The following TIMP4 variants were observed in gnomAD, a reference collection of about 807,000 sequenced individuals.
TIMP4 encodes metalloproteinase inhibitor 4.
A neutral mutation model predicts 27.3 loss-of-function variants in TIMP4; 28 were observed. The observed-to-expected ratio is 1.03, with a 90% CI of 0.76 to 1.41. The LOEUF (loss-of-function observed/expected upper bound fraction) is 1.41. Among genes scored for constraint, TIMP4 ranks in the 40% most tolerant of loss-of-function variants. The pLI is 0.00. For missense variants in TIMP4, 307 were observed against 285.5 expected (o/e 1.08, Z -0.54); for synonymous variants, 138 against 115.5 (o/e 1.20, Z -1.25).
At chr3:12,158,611 C>T (rs1229773080) in intron 1 of TIMP4, 91 bp downstream of exon 1, 1 of 1,544,172 alleles carries the variant, frequency 6.5e-7, no homozygotes, top group Non-Finnish European at 8.7e-7. Flanking sequence ...TGAGCTCCTC[C>T]CTTTTCCTCT....
chr3:12,158,636 C>T (rs559902630), intron 1 of TIMP4, 66 bp downstream of exon 1: 13 of 1,594,580 alleles, frequency 8.2e-6, no homozygotes, highest in Admixed American at 1.7e-5. Context: ...TCCTGGTGTA[C>T]TGCTGGCCAG....
Position 12,156,943 on chromosome 3 carries a change from C to A in TIMP4, c.238-9G>T, listed in dbSNP as rs1165104930. ...TCAAACCCTTTGAACATCTGACAGG[C>A]AATTACAAAAAAAGGCAATATTGGG... is the stretch of plus-strand genomic sequence containing the variant. On this transcript the variant is annotated splice_polypyrimidine_tract_variant and intron_variant, in intron 2 of 4. Transcript: ENST00000287814. The A allele has an allele frequency of 1.2e-6, 2 of 1,602,768 alleles. No individual in the cohort carries two copies.
chr3:12,157,934 G>T (rs528543463), intron 1 of TIMP4, among the ~76,000 whole-genome samples: 1 of 152,228 alleles, frequency 6.6e-6, no homozygotes, highest in Non-Finnish European at 1.5e-5. Flanking sequence ...CTGCACTGAG[G>T]TATTGCATCT....
At chr3:12,154,190 TG>T in intron 4 of TIMP4, 136 bp downstream of exon 4, 1 of 1,315,606 alleles carries the variant, frequency 7.6e-7, no homozygotes. Flanking sequence ...GCCTATAGAC[TG>T]TATTGCTTTC....
intron 3 of TIMP4, among the ~76,000 whole-genome samples, chr3:12,156,061 A>G (rs1697447617): frequency 6.6e-6 from 1 of 152,168 alleles, no homozygotes; most frequent in African/African-American, 2.4e-5. Flanking sequence ...TTGTTACTGA[A>G]TCTCCACTCT....
intron 3 of TIMP4, 104 bp downstream of exon 3, chr3:12,156,716 C>T (rs1697467447): frequency 4.7e-6 from 4 of 850,820 alleles, no homozygotes; most frequent in Non-Finnish European, 5.6e-6. Context: ...GAAAATGCCA[C>T]CTGGCTCAGC....
At chr3:12,154,577 G>T in intron 3 of TIMP4, 126 bp from the exon 4 acceptor site, 1 of 962,024 alleles carries the variant, frequency 1.0e-6, no homozygotes, top group East Asian at 2.5e-5. Context: ...GTGGCATGGG[G>T]CTCAGTGAAG....
rs1559442583 is a variant in TIMP4, at chr3:12,153,420, AAG to A, written c.*93_*94del. Reference sequence around the variant, plus strand: ...TTGGCACTTCTTATTAGCTGGCAGCAAGAGGTCAGGTGGTAATGGCCAAAGCT... The same window carrying A: ...TTGGCACTTCTTATTAGCTGGCAGCAAGGTCAGGTGGTAATGGCCAAAGCT... On this transcript the variant is annotated 3_prime_UTR_variant, in exon 5 of 5. Transcript: ENST00000287814. 2.8e-6 allele frequency: 4 copies of A among 1,407,128 alleles called. No homozygotes were observed. Among genetic ancestry groups the A allele is most frequent in the Non-Finnish European group, 4.0e-6 (4 of 996,572 alleles). 87.2% of individuals were successfully genotyped at this position (1,407,128 alleles called of 1,614,324 possible).
chr3:12,153,765 A>G lies in TIMP4; in HGVS notation c.478-53T>C, dbSNP rs1318285505. ...GTGAGTAGGGTGTCCTTCTTTTTCC[A>G]TTGCTGCCTTTCAGATTCCTACGTA... On this transcript the variant is annotated intron_variant, in intron 4 of 4. Coordinates refer to ENST00000287814, the MANE Select transcript of TIMP4 (RefSeq NM_003256.4). The G allele has an allele frequency of 5.0e-6, 8 of 1,592,822 alleles. No individual in the cohort carries two copies. In the Admixed American group the frequency reaches 1.0e-4, roughly 20 times the overall value.
intron 3 of TIMP4, 140 bp from the exon 4 acceptor site, chr3:12,154,591 C>T (rs2125228157): frequency 1.2e-6 from 1 of 820,984 alleles, no homozygotes; most frequent in South Asian, 1.8e-5. Context: ...AGTGAAGGGA[C>T]CAATAAATAA....
intron 3 of TIMP4, among the ~76,000 whole-genome samples, chr3:12,155,892 C>T (rs1449277127): frequency 2.0e-5 from 3 of 152,188 alleles, no homozygotes; most frequent in African/African-American, 7.2e-5. Context: ...CTGCAGGGCT[C>T]AGTGGTGTGT....
In TIMP4 at chr3:12,154,824, AG is replaced by A. The variant is rs375279593; in HGVS notation, c.353-374del. 3.5e-4 allele frequency among the ~76,000 whole-genome samples: 53 copies of A among 152,264 alleles called. No homozygotes were observed. In the East Asian group the frequency reaches 8.9e-3, roughly 26 times the overall value. On this transcript the variant is annotated intron_variant, in intron 3 of 4. Transcript: ENST00000287814. ...CTCAGCTGGAAGATGAAAATTATAA[AG>A]TTGTCAGATTAAATGAGAGATTGTC...
intron 1 of TIMP4, among the ~76,000 whole-genome samples, chr3:12,158,083 A>C (rs1417770039): frequency 6.6e-6 from 1 of 152,090 alleles, no homozygotes; most frequent in Non-Finnish European, 1.5e-5. Flanking sequence ...AGTGGAGTGC[A>C]CACGTGTAAA....
chr3:12,154,005 T>C (rs1379970450), intron 4 of TIMP4, among the ~76,000 whole-genome samples: 1 of 152,250 alleles, frequency 6.6e-6, no homozygotes, highest in Admixed American at 6.5e-5. Context: ...AATGGAAATC[T>C]TAATTCTTCA....
rs202136749 is a variant in TIMP4, at chr3:12,154,377, C to T, written c.427G>A (p.Val143Met). ...TGATGATTCAGACTTTCCCTCTGCA[C>T]CAAGGACAGGTCCTCCCAGGGCTCG... ...YIEPWEDLSL[V>M]QRESLNHHYH... is the part of the protein sequence containing the mutation. The change falls in exon 4 of 5, where the codon GTG becomes ATG. Residue 143 changes from valine to methionine, a missense_variant. By Grantham distance (21) the Val-to-Met change is conservative. Transcript: ENST00000287814. 5 of 1,614,214 alleles carry T rather than the reference C, an allele frequency of 3.1e-6. No individual in the cohort carries two copies. Among genetic ancestry groups the T allele is most frequent in the Admixed American group, 1.7e-5 (1 of 60,026 alleles).
In TIMP4 at chr3:12,154,468, A is replaced by G. The variant is rs1697397984; in HGVS notation, c.353-17T>C. On this transcript the variant is annotated splice_polypyrimidine_tract_variant and intron_variant, in intron 3 of 4. Coordinates refer to ENST00000287814, the MANE Select transcript of TIMP4 (RefSeq NM_003256.4). Reference sequence around the variant, plus strand: ...GGACCTGACCTTCAAGGGGAGATGGAGGAGAGTCAAGCATCAGGATTCTTC... The same window carrying G: ...GGACCTGACCTTCAAGGGGAGATGGGGGAGAGTCAAGCATCAGGATTCTTC... 1 of 1,613,666 alleles carries G rather than the reference A, an allele frequency of 6.2e-7. No homozygotes were observed. Among genetic ancestry groups the G allele is most frequent in the East Asian group, 2.2e-5 (1 of 44,880 alleles).
Position 12,158,842 on chromosome 3 carries a change from A to T in TIMP4, c.-2T>A. ...CGCGGGCCGAGGGCTCCCAGGCATG[A>T]CACTGCAGATCCGCGACTGAGCCTG... is the stretch of plus-strand genomic sequence containing the variant. On this transcript the variant is annotated 5_prime_UTR_variant, in exon 1 of 5. Transcript: ENST00000287814. The T allele has an allele frequency of 6.3e-7, 1 of 1,577,920 alleles. No homozygotes were observed. The highest frequency in any genetic ancestry group is 2.3e-5 in the East Asian group (1 of 44,156).
At position 12,154,377 on chromosome 3, in the gene TIMP4, C is replaced by G. The variant is rs202136749; in HGVS notation, c.427G>C (p.Val143Leu). ...YIEPWEDLSL[V>L]QRESLNHHYH... ...TGATGATTCAGACTTTCCCTCTGCA[C>G]CAAGGACAGGTCCTCCCAGGGCTCG... The change falls in exon 4 of 5, where the codon GTG becomes CTG. Residue 143 changes from valine to leucine, a missense_variant. Transcript: ENST00000287814. 1 of 1,614,096 alleles carries G rather than the reference C, an allele frequency of 6.2e-7. No individual in the cohort carries two copies. The highest frequency in any genetic ancestry group is 8.5e-7 in the Non-Finnish European group (1 of 1,180,046).
At position 12,156,948 on chromosome 3, in the gene TIMP4, A is replaced by G. The variant is rs936069341; in HGVS notation, c.238-14T>C. ...CCCTTTGAACATCTGACAGGCAATT[A>G]CAAAAAAAGGCAATATTGGGTCAGT... On this transcript the variant is annotated splice_polypyrimidine_tract_variant and intron_variant, in intron 2 of 4. Transcript: ENST00000287814. 2.9e-5 allele frequency: 47 copies of G among 1,599,094 alleles called. 1 individual carries two copies. The Admixed American group carries it at 7.8e-4, about 27-fold the overall frequency.
Sources: allele counts gnomAD v4.1 joint callset (sites outside exome capture counted in the v4.1 genomes callset), GRCh38; gene constraint gnomAD v4.1.1; transcripts MANE v1.5; gene names NCBI Gene and HGNC (gene_info 2026-07-23, HGNC 2026-07-21).